MSH3: variants seen among roughly 807,000 people sequenced by gnomAD.
The protein encoded by MSH3 is mutS homolog 3.
MSH3 carries 106 observed loss-of-function variants against 123.3 expected under a neutral mutation model. The ratio of observed to expected loss-of-function variants is 0.86; its 90% CI spans 0.73 to 1.01. MSH3 has a LOEUF of 1.01. Ranked by LOEUF, MSH3 falls within the 50% of genes least tolerant of loss-of-function variation. The pLI is 0.00. For missense variants in MSH3, 1,459 were observed against 1,347.6 expected, an observed-to-expected ratio of 1.08 and a Z score of -1.29; for synonymous variants, 515 against 481.4, an observed-to-expected ratio of 1.07 and a Z score of -0.91.
chr5:80,780,859 C>T (rs1744398432), intron 17 of MSH3, among the ~76,000 whole-genome samples: 1 of 151,826 alleles, frequency 6.6e-6, no homozygotes, highest in Non-Finnish European at 1.5e-5. Context: ...CAGAGCGTGA[C>T]TGTCTCAAAT....
At chr5:80,706,752 A>G (rs1208364036) in intron 8 of MSH3, among the ~76,000 whole-genome samples, 1 of 152,226 alleles carries the variant, frequency 6.6e-6, no homozygotes, top group Non-Finnish European at 1.5e-5. Context: ...TATGCCAAAA[A>G]TATATTTGGA....
chr5:80,674,911 A>C, intron 6 of MSH3, 72 bp from the exon 7 acceptor site: 1 of 1,257,254 alleles, frequency 8.0e-7, no homozygotes, highest in African/African-American at 1.5e-5. Flanking sequence ...GAAAATAGTT[A>C]ATATTATTGG....
chr5:80,664,389 C>T (rs1191666171), intron 2 of MSH3, among the ~76,000 whole-genome samples: 1 of 152,118 alleles, frequency 6.6e-6, no homozygotes, highest in Non-Finnish European at 1.5e-5. Context: ...GTCAAGAGTC[C>T]TCCCAGCTTC....
chr5:80,657,213 G>T (rs1208769500), intron 2 of MSH3, among the ~76,000 whole-genome samples: 1 of 152,160 alleles, frequency 6.6e-6, no homozygotes, highest in Non-Finnish European at 1.5e-5. Flanking sequence ...GGCCAAGGCA[G>T]GTGGATCACC....
At chr5:80,790,519 A>G (rs1044283493) in intron 18 of MSH3, among the ~76,000 whole-genome samples, 1 of 152,084 alleles carries the variant, frequency 6.6e-6, no homozygotes, top group African/African-American at 2.4e-5. Context: ...CATCCTGAGT[A>G]TTGTTTTAAC....
At position 80,809,995 on chromosome 5, in the gene MSH3, G is replaced by A. The variant is rs531082832; in HGVS notation, c.2656-3589G>A. ...TCACACAAATGTCGTAGAGATTGAC[G>A]TTTTGTAATATTTAGGAGTTTTTTA... On this transcript the variant is annotated intron_variant, in intron 19 of 23. Transcript: ENST00000265081. Among the ~76,000 whole-genome samples the A allele has an allele frequency of 4.6e-5, 7 of 151,884 alleles. No homozygotes were observed. In the South Asian group the frequency reaches 1.0e-3, roughly 23 times the overall value.
intron 7 of MSH3, among the ~76,000 whole-genome samples, chr5:80,677,134 T>G (rs796419575): frequency 6.6e-6 from 1 of 152,240 alleles, no homozygotes; most frequent in African/African-American, 2.4e-5. Flanking sequence ...AAATTGATCT[T>G]ATCTTCTTTT....
At chr5:80,764,798 T>C (rs543560971) in intron 13 of MSH3, among the ~76,000 whole-genome samples, 85 of 152,360 alleles carry the variant, frequency 5.6e-4, no homozygotes, top group African/African-American at 2.0e-3. Flanking sequence ...GGTTGGTGAA[T>C]ACATTTAAAG....
At position 80,675,098 on chromosome 5, in the gene MSH3, A is replaced by T. The variant is rs1370138731; in HGVS notation, c.1143A>T (p.Lys381Asn). 6.2e-7 allele frequency: 1 copy of T among 1,613,854 alleles called. No individual in the cohort carries two copies. Among genetic ancestry groups the T allele is most frequent in the East Asian group, 2.2e-5 (1 of 44,778 alleles). ...ISENKENVRD[K>N]KKGNIFIGIV... The stretch of plus-strand genomic sequence containing the variant: ...AAAATAAGGAAAATGTTAGGGACAA[A>T]AAAAAGGGCAACATTTTTATTGGCA... Residue 381 changes from lysine to asparagine, a missense_variant, in exon 7 of 24, where the codon AAA becomes AAT. Lys to Asn is a moderately conservative substitution (Grantham distance 94). Transcript: ENST00000265081.
chr5:80,717,777 A>C (rs533658447), intron 8 of MSH3, among the ~76,000 whole-genome samples: 2 of 150,996 alleles, frequency 1.3e-5, no homozygotes, highest in African/African-American at 4.9e-5. Context: ...TTTTTTTTTC[A>C]TATATTGGCC....
At position 80,668,516 on chromosome 5, in the gene MSH3, C is replaced by T. The variant is rs539223757; in HGVS notation, c.580-1581C>T. ...TCAGTGTCCAAAGTCCAGAGGGGGCCGAGGCAGCAGGGGGCTGGCATGTTA... is the reference window on the plus strand; with the variant it reads ...TCAGTGTCCAAAGTCCAGAGGGGGCTGAGGCAGCAGGGGGCTGGCATGTTA... On this transcript the variant is annotated intron_variant, in intron 3 of 23. Coordinates refer to ENST00000265081, the MANE Select transcript of MSH3 (RefSeq NM_002439.5). Among the ~76,000 whole-genome samples, 6 of 152,268 alleles carry T rather than the reference C, an allele frequency of 3.9e-5. No individual in the cohort carries two copies. The South Asian group carries it at 1.0e-3, about 26-fold the overall frequency.
At chr5:80,849,157 C>T (rs1351057086) in intron 20 of MSH3, among the ~76,000 whole-genome samples, 1 of 152,214 alleles carries the variant, frequency 6.6e-6, no homozygotes, top group African/African-American at 2.4e-5. Flanking sequence ...CTCCATGCCT[C>T]ACATCCAGGT....
chr5:80,702,874 T>C (rs1033048225), intron 8 of MSH3, among the ~76,000 whole-genome samples: 3 of 152,048 alleles, frequency 2.0e-5, no homozygotes, highest in Admixed American at 6.6e-5. Context: ...TAGCTGCGCA[T>C]GATGGCAAGC....
chr5:80,834,335 A>C (rs1160038417), intron 20 of MSH3, among the ~76,000 whole-genome samples: 1 of 151,036 alleles, frequency 6.6e-6, no homozygotes, highest in Non-Finnish European at 1.5e-5. Context: ...TTCTTATAAA[A>C]TATTAAATAT....
intron 20 of MSH3, among the ~76,000 whole-genome samples, chr5:80,836,735 G>C (rs907815329): frequency 1.4e-5 from 2 of 145,252 alleles, no homozygotes; most frequent in Non-Finnish European, 2.9e-5. Flanking sequence ...AGAATACCTA[G>C]TGTAATGTAA....
At chr5:80,807,267 AC>A (rs370514161) in intron 19 of MSH3, among the ~76,000 whole-genome samples, 13 of 152,042 alleles carry the variant, frequency 8.6e-5, no homozygotes, top group African/African-American at 3.1e-4. Flanking sequence ...AACCAATTTT[AC>A]CATAGGCTAA....
chr5:80,756,808 T>C (rs2112876911), intron 12 of MSH3, among the ~76,000 whole-genome samples: 1 of 152,320 alleles, frequency 6.6e-6, no homozygotes, highest in South Asian at 2.1e-4. Flanking sequence ...AATTGTTCAT[T>C]GAATGTAAGA....
At chr5:80,688,828 C>T (rs980615138) in intron 8 of MSH3, among the ~76,000 whole-genome samples, 3 of 151,796 alleles carry the variant, frequency 2.0e-5, no homozygotes, top group Admixed American at 1.3e-4. Context: ...TTCACACATA[C>T]GAAATGTTAT....
chr5:80,845,351 A>G (rs993765684), intron 20 of MSH3, among the ~76,000 whole-genome samples: 2 of 151,912 alleles, frequency 1.3e-5, no homozygotes, highest in African/African-American at 4.8e-5. Flanking sequence ...TTTCATTTCA[A>G]CCTTGGTGAA....
Sources: allele counts gnomAD v4.1 joint callset (sites outside exome capture counted in the v4.1 genomes callset), GRCh38; gene constraint gnomAD v4.1.1; transcripts MANE v1.5; gene names NCBI Gene and HGNC (gene_info 2026-07-23, HGNC 2026-07-21).